The following LPP variants were observed in gnomAD, a reference collection of about 807,000 sequenced individuals.
LPP encodes LIM domain containing preferred translocation partner in lipoma, also known as lipoma-preferred partner.
A neutral mutation model predicts 60.4 loss-of-function variants in LPP; 38 were observed. The ratio of observed to expected loss-of-function variants is 0.63; its 90% CI spans 0.49 to 0.83. LPP has a LOEUF of 0.83. Ranked by LOEUF, LPP falls within the 40% of genes least tolerant of loss-of-function variation. LPP has a pLI of 0.00. For missense variants in LPP, 902 were observed against 783.6 expected, an observed-to-expected ratio of 1.15 and a Z score of -1.80; for synonymous variants, 328 against 290.8, an observed-to-expected ratio of 1.13 and a Z score of -1.30.
At chr3:188,527,748 C>T (rs1821037845) in intron 6 of LPP, among the ~76,000 whole-genome samples, 1 of 125,430 alleles carries the variant, frequency 8.0e-6, no homozygotes, top group African/African-American at 2.7e-5. Flanking sequence ...TTTTGTGCTC[C>T]CTTTCCTTTT....
At chr3:188,475,174 A>T (rs923281052) in intron 4 of LPP, among the ~76,000 whole-genome samples, 8 of 152,202 alleles carry the variant, frequency 5.3e-5, no homozygotes, top group African/African-American at 1.9e-4. Context: ...AAAGTCTCAG[A>T]TATATTCTGT....
intron 7 of LPP, among the ~76,000 whole-genome samples, chr3:188,685,421 C>G (rs527347675): frequency 1.3e-5 from 2 of 152,176 alleles, no homozygotes; most frequent in South Asian, 4.2e-4. Flanking sequence ...AGCAAATGAA[C>G]TGGTCTGGAA....
chr3:188,654,100 G>A (rs1852637682), intron 7 of LPP, among the ~76,000 whole-genome samples: 1 of 152,176 alleles, frequency 6.6e-6, no homozygotes, highest in African/African-American at 2.4e-5. Flanking sequence ...ATTTCCTGAG[G>A]ACCTCATCAT....
intron 9 of LPP, among the ~76,000 whole-genome samples, chr3:188,813,539 T>C (rs1037915884): frequency 6.6e-6 from 1 of 152,204 alleles, no homozygotes. Flanking sequence ...ACTACTCGTG[T>C]TTATTCATTC....
intron 7 of LPP, among the ~76,000 whole-genome samples, chr3:188,654,533 T>G (rs1852746346): frequency 6.7e-6 from 1 of 148,620 alleles, no homozygotes; most frequent in Non-Finnish European, 1.5e-5. Flanking sequence ...TTCTCTGTGT[T>G]GTGTGTGTGT....
At position 188,610,226 on chromosome 3, in the gene LPP, GGA is replaced by G. The variant is rs1843402051; in HGVS notation, c.1113+383_1113+384del. 6.6e-6 allele frequency among the ~76,000 whole-genome samples: 1 copy of G among 152,188 alleles called. No homozygotes were observed. The highest frequency in any genetic ancestry group is 1.5e-5 in the Non-Finnish European group (1 of 68,028). ...CTTCCTCTACACCTTGCATTTGCTT[GGA>G]CATTAAACAGGTCTGTAGTATCTCA... On this transcript the variant is annotated intron_variant, in intron 7 of 11. Transcript: ENST00000617246. This position sits in a 1 kb window ranked among gnomAD's most constrained non-coding sequence, Gnocchi z 4.4.
chr3:188,840,432 T>C (rs1246954044), intron 9 of LPP, among the ~76,000 whole-genome samples: 1 of 152,210 alleles, frequency 6.6e-6, no homozygotes, highest in East Asian at 1.9e-4. Flanking sequence ...ATGGTGAATC[T>C]TGTGCATTTG....
chr3:188,557,034 G>T (rs1829649561), intron 6 of LPP, among the ~76,000 whole-genome samples: 1 of 152,020 alleles, frequency 6.6e-6, no homozygotes, highest in African/African-American at 2.4e-5. Flanking sequence ...ATGCAGGATA[G>T]TTGACCTTTG....
intron 2 of LPP, among the ~76,000 whole-genome samples, chr3:188,326,741 G>A (rs1758528778): frequency 6.6e-6 from 1 of 152,008 alleles, no homozygotes; most frequent in African/African-American, 2.4e-5. Flanking sequence ...AGACATTGTA[G>A]GTATGTACCT....
intron 8 of LPP, among the ~76,000 whole-genome samples, chr3:188,753,902 A>C: frequency 6.6e-6 from 1 of 152,266 alleles, no homozygotes; most frequent in African/African-American, 2.4e-5. Context: ...AGAATCAGAT[A>C]TACACAAGCA....
chr3:188,448,658 T>G (rs1795894732), intron 4 of LPP, among the ~76,000 whole-genome samples: 1 of 152,104 alleles, frequency 6.6e-6, no homozygotes, highest in Admixed American at 6.6e-5. Flanking sequence ...TGGACTAATC[T>G]CACCTCTGGA....
intron 7 of LPP, among the ~76,000 whole-genome samples, chr3:188,646,717 ACCT>A: frequency 6.6e-6 from 1 of 152,368 alleles, no homozygotes; most frequent in Middle Eastern, 3.4e-3. Context: ...CTTAGAAATC[ACCT>A]CAACTGATGC....
chr3:188,184,593 G>T (rs1416030997), intron 1 of LPP, among the ~76,000 whole-genome samples: 2 of 152,046 alleles, frequency 1.3e-5, no homozygotes, highest in African/African-American at 4.8e-5. Flanking sequence ...GGTGGGAAAA[G>T]CAGGTCGGAC....
At chr3:188,739,582 G>A (rs541738805) in intron 8 of LPP, among the ~76,000 whole-genome samples, 1 of 152,138 alleles carries the variant, frequency 6.6e-6, no homozygotes, top group South Asian at 2.1e-4. Context: ...AATTCCTTAG[G>A]AGATAAAATT....
intron 5 of LPP, among the ~76,000 whole-genome samples, chr3:188,522,467 G>C (rs150537599): frequency 3.3e-5 from 5 of 152,040 alleles, no homozygotes; most frequent in Admixed American, 2.6e-4. Context: ...CTATGAGAAA[G>C]GTTACTGCCT....
At chr3:188,158,371 C>T (rs548862188) in intron 1 of LPP, among the ~76,000 whole-genome samples, 11 of 152,008 alleles carry the variant, frequency 7.2e-5, no homozygotes, top group East Asian at 3.9e-4. Context: ...ACATATGAGG[C>T]GGAGAACCTG....
intron 2 of LPP, among the ~76,000 whole-genome samples, chr3:188,324,032 ATTG>A (rs147496303): frequency 6.6e-6 from 1 of 152,112 alleles, no homozygotes; most frequent in Admixed American, 6.5e-5. Context: ...AATGATTGGT[ATTG>A]TTGTTGTTGT....
intron 2 of LPP, among the ~76,000 whole-genome samples, chr3:188,324,512 C>T (rs542696211): frequency 6.6e-6 from 1 of 152,270 alleles, no homozygotes; most frequent in East Asian, 1.9e-4. Flanking sequence ...GTAGGACCTC[C>T]ATATAACTCA....
intron 10 of LPP, among the ~76,000 whole-genome samples, chr3:188,867,620 A>C (rs1252366023): frequency 6.6e-6 from 1 of 152,138 alleles, no homozygotes; most frequent in Non-Finnish European, 1.5e-5. Flanking sequence ...CTGGTATTAC[A>C]GGCATGAACC....
Sources: allele counts gnomAD v4.1 joint callset (sites outside exome capture counted in the v4.1 genomes callset), GRCh38; gene constraint gnomAD v4.1.1; non-coding constraint Gnocchi (gnomAD v3.1); transcripts MANE v1.5; gene names NCBI Gene and HGNC (gene_info 2026-07-23, HGNC 2026-07-21).